The following DAPK1 variants were observed in gnomAD, a reference collection of about 807,000 sequenced individuals.
DAPK1 encodes death-associated protein kinase 1.
Under a neutral mutation model 144.9 loss-of-function variants are expected in DAPK1, and 56 were observed. The observed-to-expected ratio is 0.39, with a 90% CI of 0.31 to 0.48. The LOEUF (loss-of-function observed/expected upper bound fraction) is 0.48. DAPK1 is among the 20% of genes least tolerant of loss of function. The probability of loss-of-function intolerance (pLI) is 0.95; values close to 1 mark genes in which losing one functional copy is unlikely to be tolerated. For missense variants in DAPK1, 1,454 were observed against 1,875.4 expected (o/e 0.78, Z 4.15); for synonymous variants, 690 against 749.0 (o/e 0.92, Z 1.29).
intron 21 of DAPK1, among the ~76,000 whole-genome samples, chr9:87,690,915 C>G (rs1825032526): frequency 6.6e-6 from 1 of 151,874 alleles, no homozygotes; most frequent in African/African-American, 2.4e-5. Flanking sequence ...ATTTGGTTTA[C>G]TAGTATATTG....
At position 87,707,091 on chromosome 9, in the gene DAPK1, G is replaced by A. The variant is rs1825669960; in HGVS notation, c.4020G>A (p.Val1340=). 1 of 1,613,936 alleles carries A rather than the reference G, an allele frequency of 6.2e-7. No homozygotes were observed. Among genetic ancestry groups the A allele is most frequent in the Admixed American group, 1.7e-5 (1 of 60,010 alleles). The change falls in exon 26 of 26, where the codon GTG becomes GTA. Residue 1340 remains valine, a synonymous_variant. Transcript: ENST00000408954. This position sits in a 1 kb window ranked among gnomAD's most constrained non-coding sequence, Gnocchi z 4.0. The stretch of plus-strand genomic sequence containing the variant: ...TGAACTTAGGCCTCCCTGACCTCGT[G>A]GCAAAGTACAACACCAGTAACGGGG... ...LAMNLGLPDL[V]AKYNTSNGAP...
In DAPK1 at chr9:87,628,078, G is replaced by T. The variant is rs36209739; in HGVS notation, c.285-9865G>T. Among the ~76,000 whole-genome samples, 184 of 152,262 alleles carry T rather than the reference G, an allele frequency of 1.2e-3. 2 individuals are homozygous for T. In the Middle Eastern group the frequency reaches 0.031, roughly 25 times the overall value. On this transcript the variant is annotated intron_variant, in intron 3 of 25. Coordinates refer to ENST00000408954, the MANE Select transcript of DAPK1 (RefSeq NM_004938.4). Reference sequence around the variant, plus strand: ...CCTTGAGCCATGTTCTTCCCATAGGGGTTTGTTCTAGGTACCTTCAGGAGG... The same window carrying T: ...CCTTGAGCCATGTTCTTCCCATAGGTGTTTGTTCTAGGTACCTTCAGGAGG...
At chr9:87,582,240 G>A (rs1270784733) in intron 2 of DAPK1, among the ~76,000 whole-genome samples, 1 of 152,090 alleles carries the variant, frequency 6.6e-6, no homozygotes, top group Non-Finnish European at 1.5e-5. Flanking sequence ...ATTGTACCAA[G>A]TGGTGAAAGC....
At chr9:87,554,044 G>C (rs1282286866) in intron 2 of DAPK1, 3 of 150,696 alleles carry the variant, frequency 2.0e-5, no homozygotes, top group Non-Finnish European at 4.4e-5. Context: ...AGAGCTATGT[G>C]CTCCCCTTTT....
intron 2 of DAPK1, among the ~76,000 whole-genome samples, chr9:87,588,196 T>A (rs1346262247): frequency 6.6e-6 from 1 of 152,228 alleles, no homozygotes; most frequent in African/African-American, 2.4e-5. Flanking sequence ...TCTGGATATT[T>A]ATGCTAAGTT....
At chr9:87,624,146 T>TA (rs920355432) in intron 3 of DAPK1, among the ~76,000 whole-genome samples, 2 of 152,224 alleles carry the variant, frequency 1.3e-5, no homozygotes, top group Non-Finnish European at 2.9e-5. Flanking sequence ...ACCTTTTCCC[T>TA]ACTCCTTGCA....
intron 2 of DAPK1, among the ~76,000 whole-genome samples, chr9:87,563,746 T>A (rs1420572030): frequency 3.3e-5 from 5 of 152,180 alleles, no homozygotes; most frequent in Admixed American, 2.0e-4. Flanking sequence ...CCTCTCAGAC[T>A]GCAGACATGT....
intron 20 of DAPK1, among the ~76,000 whole-genome samples, chr9:87,685,200 T>C (rs566004484): frequency 3.3e-5 from 5 of 152,344 alleles, no homozygotes; most frequent in African/African-American, 9.6e-5. Flanking sequence ...AGAATATGTG[T>C]TGGTGTTTTT....
At chr9:87,577,598 G>A (rs752005191) in intron 2 of DAPK1, among the ~76,000 whole-genome samples, 2 of 152,146 alleles carry the variant, frequency 1.3e-5, no homozygotes, top group Non-Finnish European at 2.9e-5. Context: ...AGGAGTTCCA[G>A]ACCGTCCTGG....
At chr9:87,580,923 C>T (rs889541436) in intron 2 of DAPK1, among the ~76,000 whole-genome samples, 1 of 152,122 alleles carries the variant, frequency 6.6e-6, no homozygotes, top group African/African-American at 2.4e-5. Flanking sequence ...TTAACGTGTG[C>T]CCTTTGTACA....
At chr9:87,516,592 A>G (rs567734370) in intron 2 of DAPK1, among the ~76,000 whole-genome samples, 1 of 150,134 alleles carries the variant, frequency 6.7e-6, no homozygotes, top group Admixed American at 6.6e-5. Context: ...ATGTCAGGTA[A>G]CTCCTTGTTT....
At chr9:87,636,161 G>A (rs1489638443) in intron 3 of DAPK1, among the ~76,000 whole-genome samples, 1 of 152,228 alleles carries the variant, frequency 6.6e-6, no homozygotes, top group Non-Finnish European at 1.5e-5. Flanking sequence ...GAGCAGGGTG[G>A]GGAGTGCAGG....
At chr9:87,508,416 C>T (rs1290620533) in intron 2 of DAPK1, among the ~76,000 whole-genome samples, 1 of 150,164 alleles carries the variant, frequency 6.7e-6, no homozygotes, top group African/African-American at 2.5e-5. Flanking sequence ...GATTTCGGCT[C>T]ACTGCAACCT....
At position 87,686,792 on chromosome 9, in the gene DAPK1, TG is replaced by T. The variant is rs1824881675; in HGVS notation, c.2413+54del. The T allele has an allele frequency of 1.4e-6, 2 of 1,461,382 alleles. No individual in the cohort carries two copies. Among genetic ancestry groups the T allele is most frequent in the African/African-American group, 1.4e-5 (1 of 71,962 alleles). 90.5% of individuals were successfully genotyped at this position (1,461,382 alleles called of 1,614,324 possible). A position where few individuals can be genotyped will look rare whatever the true frequency, so the allele number is the denominator to read the frequency against. On this transcript the variant is annotated intron_variant, in intron 21 of 25. Transcript: ENST00000408954. The surrounding 1 kb of genome is among the most constrained non-coding windows in gnomAD (Gnocchi z 4.2). Reference sequence around the variant, plus strand: ...ACCTCAGGTTTCCCTTCAACAGGGTTGTAAGTCATCCCTAAAGGGAGCTTGT... The same window carrying T: ...ACCTCAGGTTTCCCTTCAACAGGGTTTAAGTCATCCCTAAAGGGAGCTTGT...
chr9:87,528,128 C>T (rs1825577740), intron 2 of DAPK1, among the ~76,000 whole-genome samples: 1 of 152,176 alleles, frequency 6.6e-6, no homozygotes, highest in Non-Finnish European at 1.5e-5. Context: ...CGATGTGAAT[C>T]AGACTTGAGA....
intron 2 of DAPK1, among the ~76,000 whole-genome samples, chr9:87,568,474 T>C (rs1827212993): frequency 6.6e-6 from 1 of 152,238 alleles, no homozygotes; most frequent in Non-Finnish European, 1.5e-5. Context: ...TGAAGCAATT[T>C]AGCTTCTAAT....
rs897532146 is a variant in DAPK1 at position 87,657,807 on chromosome 9, T to C, written c.1825-222T>C. 4 of 555,370 alleles carry C rather than the reference T, an allele frequency of 7.2e-6. No homozygotes were observed. The African/African-American group carries it at 7.6e-5, about 11-fold the overall frequency. The allele number at this position is 555,370 out of a possible 1,614,324, so 34.4% of individuals were successfully genotyped here. A position where few individuals can be genotyped will look rare whatever the true frequency, so the allele number is the denominator to read the frequency against. On this transcript the variant is annotated intron_variant, in intron 17 of 25. Coordinates refer to ENST00000408954, the MANE Select transcript of DAPK1 (RefSeq NM_004938.4). ...CAGCAGGAAACTTACTTAAGTTATC[T>C]TTGAAGTTGTATTTTGAAGCTCCTC...
chr9:87,593,900 AAGTC>A (rs1428093645), intron 2 of DAPK1, among the ~76,000 whole-genome samples: 7 of 152,196 alleles, frequency 4.6e-5, no homozygotes, highest in Non-Finnish European at 1.0e-4. Context: ...TAGAATGGTG[AAGTC>A]AAAGTGATCA....
intron 17 of DAPK1, among the ~76,000 whole-genome samples, chr9:87,653,894 A>G (rs1406590884): frequency 2.0e-5 from 3 of 151,992 alleles, no homozygotes; most frequent in African/African-American, 4.8e-5. Flanking sequence ...GGGTTTCACC[A>G]TGTTGGCCAG....
Sources: gnomAD v4.1 joint callset for allele counts (sites outside exome capture counted in the v4.1 genomes callset) on GRCh38, gnomAD v4.1.1 for gene constraint, Gnocchi (gnomAD v3.1) non-coding constraint, MANE v1.5 for transcripts, NCBI Gene and HGNC (gene_info 2026-07-23, HGNC 2026-07-21) for gene names.